The following ST3GAL2 variants were observed in gnomAD, a reference collection of about 807,000 sequenced individuals.
The protein encoded by ST3GAL2 is ST3 beta-galactoside alpha-2,3-sialyltransferase 2, also known as CMP-N-acetylneuraminate-beta-galactosamide-alpha-2,3-sialyltransferase 2.
In ST3GAL2, 16 loss-of-function variants were observed where a neutral mutation model predicts 37.5. That is an observed-to-expected ratio of 0.43 (90% CI 0.29 to 0.65). The LOEUF (loss-of-function observed/expected upper bound fraction) is 0.65, where lower values mean the gene tolerates loss of function less well. ST3GAL2 is among the 30% of genes least tolerant of loss of function. The pLI, the probability that ST3GAL2 is intolerant of heterozygous loss-of-function variation, is 0.17. For synonymous variants in ST3GAL2, 238 were observed against 202.9 expected (o/e 1.17, Z -1.47); for missense variants, 383 against 487.8 (o/e 0.79, Z 2.02).
rs553053455 is a variant in ST3GAL2 at position 70,388,491 on chromosome 16, G to T, written c.589C>A (p.His197Asn). The change falls in exon 4 of 7, where the codon CAC becomes AAC. Residue 197 changes from histidine to asparagine, a missense_variant. Physicochemically the swap from His to Asn is moderately conservative, Grantham distance 68 (BLOSUM62 1). Coordinates refer to ENST00000342907, the MANE Select transcript of ST3GAL2 (RefSeq NM_006927.4). The part of the protein sequence containing the change: ...FEQDVGSRTT[H>N]HFMYPESAKN... ...GCACTCTCAGGGTACATGAAATGGT[G>T]GGTGGTTCGGCTGCCAACATCCTGC... 1 of 1,613,410 alleles carries T rather than the reference G, an allele frequency of 6.2e-7. No homozygotes were observed. The highest frequency in any genetic ancestry group is 1.3e-5 in the African/African-American group (1 of 75,020).
intron 4 of ST3GAL2, among the ~76,000 whole-genome samples, chr16:70,383,465 T>A (rs1175012438): frequency 6.7e-6 from 1 of 150,028 alleles, no homozygotes; most frequent in Non-Finnish European, 1.5e-5. Context: ...ACAGCTGTTA[T>A]CCCAGCTACT....
intron 1 of ST3GAL2, among the ~76,000 whole-genome samples, chr16:70,410,542 C>A (rs1401201756): frequency 6.6e-6 from 1 of 151,942 alleles, no homozygotes; most frequent in Non-Finnish European, 1.5e-5. Flanking sequence ...CGAGAGCCAA[C>A]ACGCCCGGCC....
chr16:70,405,770 G>A (rs1172034586), intron 1 of ST3GAL2, among the ~76,000 whole-genome samples: 1 of 151,740 alleles, frequency 6.6e-6, no homozygotes, highest in Non-Finnish European at 1.5e-5. Flanking sequence ...TAGGTTAAAA[G>A]CCACTGACAG....
At chr16:70,438,654 G>A (rs1430018843) in intron 1 of ST3GAL2, among the ~76,000 whole-genome samples, 1 of 152,046 alleles carries the variant, frequency 6.6e-6, no homozygotes, top group East Asian at 1.9e-4. Context: ...CCGAGGGCTG[G>A]GGCTGGGGCT....
intron 1 of ST3GAL2, among the ~76,000 whole-genome samples, chr16:70,415,879 G>A (rs140727261): frequency 0.037 from 5,574 of 149,062 alleles, 353 homozygotes; most frequent in African/African-American, 0.13. Context: ...GGGTTCAAGC[G>A]ATTCTCCTGC....
intron 1 of ST3GAL2, among the ~76,000 whole-genome samples, chr16:70,406,948 T>C (rs1358697468): frequency 6.6e-6 from 1 of 152,090 alleles, no homozygotes; most frequent in Non-Finnish European, 1.5e-5. Context: ...CAGCACGAGA[T>C]GATGGCATCG....
At chr16:70,407,691 G>A (rs149974951) in intron 1 of ST3GAL2, among the ~76,000 whole-genome samples, 16 of 152,264 alleles carry the variant, frequency 1.1e-4, no homozygotes, top group Admixed American at 8.5e-4. Flanking sequence ...TCACCAGCAC[G>A]CAGGTAAATG....
In ST3GAL2 at chr16:70,406,930, G is replaced by A. The variant is rs570319399; in HGVS notation, c.-1003-7397C>T. Among the ~76,000 whole-genome samples the A allele has an allele frequency of 4.6e-5, 7 of 152,258 alleles. No individual in the cohort carries two copies. In the South Asian group the frequency reaches 1.2e-3, roughly 27 times the overall value. ...AAAAGAAGTGAACAGAGGAACAAAG[G>A]CCGGGAGCAGCACGAGATGATGGCA... On this transcript the variant is annotated intron_variant, in intron 1 of 6. Coordinates refer to ENST00000342907, the MANE Select transcript of ST3GAL2 (RefSeq NM_006927.4).
chr16:70,428,205 C>G (rs2047764670), intron 1 of ST3GAL2, among the ~76,000 whole-genome samples: 1 of 152,236 alleles, frequency 6.6e-6, no homozygotes, highest in Non-Finnish European at 1.5e-5. Context: ...GTCCCCTCCC[C>G]CAGTGCACAG....
At chr16:70,430,846 TG>T (rs1356554723) in intron 1 of ST3GAL2, among the ~76,000 whole-genome samples, 1 of 152,094 alleles carries the variant, frequency 6.6e-6, no homozygotes, top group Non-Finnish European at 1.5e-5. Context: ...TCATTCCCTT[TG>T]GTTGCTGCCA....
chr16:70,404,992 C>G (rs533155577), intron 1 of ST3GAL2, among the ~76,000 whole-genome samples: 1 of 149,996 alleles, frequency 6.7e-6, no homozygotes, highest in Admixed American at 6.6e-5. Context: ...GAGATCGCAC[C>G]ACTGCACTCC....
chr16:70,427,147 G>A (rs1279678792), intron 1 of ST3GAL2, among the ~76,000 whole-genome samples: 1 of 151,966 alleles, frequency 6.6e-6, no homozygotes, highest in Non-Finnish European at 1.5e-5. Flanking sequence ...CCATACCTGA[G>A]CATCTCTGGC....
At chr16:70,407,837 G>A (rs1231155363) in intron 1 of ST3GAL2, among the ~76,000 whole-genome samples, 1 of 152,210 alleles carries the variant, frequency 6.6e-6, no homozygotes, top group Non-Finnish European at 1.5e-5. Context: ...AGCCATCAAC[G>A]ACTTAACCTA....
intron 1 of ST3GAL2, among the ~76,000 whole-genome samples, chr16:70,411,396 A>AAGC (rs972418314): frequency 6.6e-6 from 1 of 151,944 alleles, no homozygotes; most frequent in Non-Finnish European, 1.5e-5. Context: ...AAAAAAAAAA[A>AAGC]AGCAGCAGCA....
At chr16:70,385,286 ACT>A (rs1196373465) in intron 4 of ST3GAL2, among the ~76,000 whole-genome samples, 2 of 152,112 alleles carry the variant, frequency 1.3e-5, no homozygotes, top group Admixed American at 6.6e-5. Flanking sequence ...ACAGAGTGAG[ACT>A]CTGTCTCCAA....
chr16:70,394,259 C>CAT (rs1293802575), intron 3 of ST3GAL2, among the ~76,000 whole-genome samples: 4 of 152,236 alleles, frequency 2.6e-5, no homozygotes, highest in African/African-American at 9.6e-5. Context: ...CAACATCTGC[C>CAT]TTCTATGCAT....
At chr16:70,437,032 G>A (rs546333014) in intron 1 of ST3GAL2, among the ~76,000 whole-genome samples, 2 of 152,164 alleles carry the variant, frequency 1.3e-5, no homozygotes, top group Non-Finnish European at 2.9e-5. Flanking sequence ...CTCGAGAAGA[G>A]TGGTCCTTAC....
At chr16:70,389,511 C>T (rs544414414) in intron 3 of ST3GAL2, among the ~76,000 whole-genome samples, 121 of 152,282 alleles carry the variant, frequency 7.9e-4, no homozygotes, top group African/African-American at 2.9e-3. Context: ...GTCGCCCAGG[C>T]TGGAGTCCAG....
At chr16:70,402,116 G>C (rs1238549415) in intron 1 of ST3GAL2, among the ~76,000 whole-genome samples, 4 of 150,598 alleles carry the variant, frequency 2.7e-5, no homozygotes, top group Non-Finnish European at 5.9e-5. Context: ...CCTGACCAAC[G>C]TGAAGAAACC....
Sources: allele counts gnomAD v4.1 joint callset (sites outside exome capture counted in the v4.1 genomes callset), GRCh38; gene constraint gnomAD v4.1.1; transcripts MANE v1.5; gene names NCBI Gene and HGNC (gene_info 2026-07-23, HGNC 2026-07-21).